PRKAR1B: variants seen among roughly 807,000 people sequenced by gnomAD.
PRKAR1B encodes protein kinase cAMP-dependent type I regulatory subunit beta.
In PRKAR1B, 22 loss-of-function variants were observed where a neutral mutation model predicts 46.5. That is an observed-to-expected ratio of 0.47 (90% confidence interval 0.34 to 0.68). The LOEUF (loss-of-function observed/expected upper bound fraction) is 0.68, where lower values mean the gene tolerates loss of function less well. Among genes scored for constraint, PRKAR1B ranks in the 30% least tolerant of loss-of-function variants. PRKAR1B has a pLI of 0.01. For synonymous variants in PRKAR1B, 259 were observed against 217.7 expected, an observed-to-expected ratio of 1.19 and a Z score of -1.67; for missense variants, 445 against 535.6, an observed-to-expected ratio of 0.83 and a Z score of 1.67.
At chr7:600,169 C>T (rs1174125959) in intron 6 of PRKAR1B, among the ~76,000 whole-genome samples, 1 of 152,226 alleles carries the variant, frequency 6.6e-6, no homozygotes, top group Non-Finnish European at 1.5e-5. Flanking sequence ...CACCGAACTG[C>T]ACAAAATGGT....
intron 7 of PRKAR1B, among the ~76,000 whole-genome samples, chr7:587,695 TA>T (rs1288379108): frequency 6.6e-6 from 1 of 151,846 alleles, no homozygotes; most frequent in Non-Finnish European, 1.5e-5. Flanking sequence ...CGAGTGAGCA[TA>T]GGGGAGGCAG....
chr7:719,498 T>A (rs1213551615), intron 1 of PRKAR1B, among the ~76,000 whole-genome samples: 1 of 152,160 alleles, frequency 6.6e-6, no homozygotes, highest in Non-Finnish European at 1.5e-5. Flanking sequence ...TATTTCTTTG[T>A]AGCGACGAGG....
chr7:625,598 T>TATGGACAAGGGGCATCGCTACAGGTCCC (rs1783343845), intron 4 of PRKAR1B, among the ~76,000 whole-genome samples: 1 of 150,420 alleles, frequency 6.6e-6, no homozygotes, highest in African/African-American at 2.4e-5. Context: ...CTACAGGTCC[T>TATGGACAAGGGGCATCGCTACAGGTCCC]ATGGACAAGG....
chr7:619,615 A>G (rs1459498065), intron 4 of PRKAR1B, among the ~76,000 whole-genome samples: 2 of 152,120 alleles, frequency 1.3e-5, no homozygotes, highest in African/African-American at 4.8e-5. Context: ...GCATCTATTA[A>G]ATATGGAGCT....
chr7:585,852 A>C (rs986920387), intron 7 of PRKAR1B, among the ~76,000 whole-genome samples: 1 of 152,194 alleles, frequency 6.6e-6, no homozygotes, highest in East Asian at 1.9e-4. Flanking sequence ...CCGCCTCTCA[A>C]CTTGAATGGG....
intron 2 of PRKAR1B, among the ~76,000 whole-genome samples, chr7:690,825 G>A (rs1174778695): frequency 6.6e-6 from 1 of 152,172 alleles, no homozygotes; most frequent in Non-Finnish European, 1.5e-5. Flanking sequence ...CAGCAGTCCT[G>A]TGTCCAGCTG....
chr7:712,673 C>T (rs1418366879), intron 1 of PRKAR1B: 2 of 127,932 alleles, frequency 1.6e-5, no homozygotes, highest in South Asian at 2.6e-4. Flanking sequence ...CCCCCACCGG[C>T]GCAGGTTCAG....
At chr7:684,288 G>A (rs553244318) in intron 2 of PRKAR1B, among the ~76,000 whole-genome samples, 5 of 152,368 alleles carry the variant, frequency 3.3e-5, no homozygotes, top group South Asian at 2.1e-4. Flanking sequence ...CTGAGTACAC[G>A]GGGATTGCCG....
At chr7:606,769 T>C (rs1395541837) in intron 5 of PRKAR1B, among the ~76,000 whole-genome samples, 3 of 117,370 alleles carry the variant, frequency 2.6e-5, no homozygotes, top group African/African-American at 9.0e-5. Context: ...ATTTTATGCG[T>C]GTGTGTGTGT....
chr7:688,337 G>T (rs1414864232), intron 2 of PRKAR1B, among the ~76,000 whole-genome samples: 1 of 151,510 alleles, frequency 6.6e-6, no homozygotes, highest in Non-Finnish European at 1.5e-5. Context: ...CCGGGAGGTG[G>T]AGGTTGCGGT....
intron 4 of PRKAR1B, among the ~76,000 whole-genome samples, chr7:668,423 C>A (rs182783743): frequency 6.6e-6 from 1 of 152,312 alleles, no homozygotes; most frequent in East Asian, 1.9e-4. Flanking sequence ...CCTGAGCCAT[C>A]AGCCTGTTTC....
At chr7:728,344 G>A (rs763107271), upstream of PRKAR1B, among the ~76,000 whole-genome samples, 5 of 152,222 alleles carry the variant, frequency 3.3e-5, no homozygotes, top group Non-Finnish European at 7.3e-5. Flanking sequence ...CCGTCCCAGT[G>A]ATGTCCCAGT....
At chr7:660,924 G>A (rs1323781629) in intron 4 of PRKAR1B, among the ~76,000 whole-genome samples, 2 of 96,372 alleles carry the variant, frequency 2.1e-5, no homozygotes, top group Admixed American at 1.3e-4. Flanking sequence ...CCATGGCACA[G>A]GTCCCCAACC....
At chr7:676,376 G>A (rs79783993) in intron 4 of PRKAR1B, among the ~76,000 whole-genome samples, 1,608 of 152,258 alleles carry the variant, frequency 0.011, 24 homozygotes, top group Middle Eastern at 0.031. Flanking sequence ...TCCTGCCTCA[G>A]GCCTCCGAGC....
At chr7:622,251 G>A (rs775336945) in intron 4 of PRKAR1B, among the ~76,000 whole-genome samples, 1 of 152,306 alleles carries the variant, frequency 6.6e-6, no homozygotes, top group South Asian at 2.1e-4. Flanking sequence ...CCTCAGACCC[G>A]AGCACCAGGT....
intron 2 of PRKAR1B, among the ~76,000 whole-genome samples, chr7:692,441 A>AGAGAAGGAGAAGAGAAGAG (rs1779485100): frequency 6.6e-6 from 1 of 152,052 alleles, no homozygotes; most frequent in East Asian, 1.9e-4. Context: ...AGAGAGAGAG[A>AGAGAAGGAGAAGAGAAGAG]GAGAAGGAGA....
At chr7:611,180 A>G (rs545608935) in intron 4 of PRKAR1B, among the ~76,000 whole-genome samples, 153 of 152,370 alleles carry the variant, frequency 1.0e-3, no homozygotes, top group Non-Finnish European at 1.9e-3. Context: ...AGCCCCTATC[A>G]TGAACGCTCC....
intron 2 of PRKAR1B, among the ~76,000 whole-genome samples, chr7:692,079 C>T (rs944488744): frequency 1.3e-5 from 2 of 152,196 alleles, no homozygotes; most frequent in African/African-American, 2.4e-5. Flanking sequence ...ATCCACTGCT[C>T]CTACACAAAC....
chr7:593,944 AGCCGGCATC>A lies in PRKAR1B; in HGVS notation c.708+2193_708+2201del. The stretch of plus-strand genomic sequence containing the variant: ...GAACGCGCCATCCACAAAACACAAG[AGCCGGCATC>A]GCCGTGGGGCCGGGACAGGCCAGCG... On this transcript the variant is annotated intron_variant, in intron 7 of 10. Coordinates refer to ENST00000537384, the MANE Select transcript of PRKAR1B (RefSeq NM_001164760.2). The surrounding 1 kb of genome is among the most constrained non-coding windows in gnomAD (Gnocchi z 6.1). Among the ~76,000 whole-genome samples the A allele has an allele frequency of 6.6e-6, 1 of 152,206 alleles. No individual in the cohort carries two copies. Among genetic ancestry groups the A allele is most frequent in the South Asian group, 2.1e-4 (1 of 4,818 alleles).
Sources: allele counts gnomAD v4.1 joint callset (sites outside exome capture counted in the v4.1 genomes callset), GRCh38; gene constraint gnomAD v4.1.1; non-coding constraint Gnocchi (gnomAD v3.1); transcripts MANE v1.5; gene names NCBI Gene and HGNC (gene_info 2026-07-23, HGNC 2026-07-21).